Variants in CUEDC1 observed in about 807,000 individuals in gnomAD.
CUEDC1 encodes CUE domain containing 1, also known as CUE domain-containing protein 1.
A neutral mutation model predicts 43.7 loss-of-function variants in CUEDC1; 30 were observed. The ratio of observed to expected loss-of-function variants is 0.69; its 90% CI spans 0.51 to 0.93. The LOEUF (loss-of-function observed/expected upper bound fraction) is 0.93. Ranked by LOEUF, CUEDC1 falls within the 40% of genes least tolerant of loss-of-function variation. The pLI is 0.00. For synonymous variants in CUEDC1, 223 were observed against 223.6 expected (o/e 1.00, Z 0.02); for missense variants, 486 against 549.0 (o/e 0.89, Z 1.15).
chr17:57,874,909 C>G (rs1488863676), intron 3 of CUEDC1, among the ~76,000 whole-genome samples: 1 of 152,180 alleles, frequency 6.6e-6, no homozygotes, highest in African/African-American at 2.4e-5. Context: ...GGATAACCAG[C>G]TGCTAAGTGC....
chr17:57,873,475 A>G, intron 4 of CUEDC1, 116 bp downstream of exon 4: 1 of 1,241,080 alleles, frequency 8.1e-7, no homozygotes, highest in Non-Finnish European at 1.1e-6. Context: ...GGCAACAGAA[A>G]TAGCTCAGCC....
At chr17:57,866,424 G>T (rs748123955) in intron 10 of CUEDC1, 50 bp downstream of exon 10, 360 of 1,572,944 alleles carry the variant, frequency 2.3e-4, no homozygotes, top group Non-Finnish European at 2.9e-4. Context: ...CATAGTGTGG[G>T]GGGCCCTGGC....
intron 1 of CUEDC1, among the ~76,000 whole-genome samples, chr17:57,926,645 T>C (rs973550633): frequency 6.6e-6 from 1 of 152,082 alleles, no homozygotes; most frequent in African/African-American, 2.4e-5. Context: ...AATTTTAAAA[T>C]AAAAAATAAA....
At chr17:57,931,011 G>A (rs1324970353) in intron 1 of CUEDC1, among the ~76,000 whole-genome samples, 2 of 152,164 alleles carry the variant, frequency 1.3e-5, no homozygotes, top group African/African-American at 2.4e-5. Flanking sequence ...GGAGCTGGCC[G>A]GGTGTGGTGG....
At chr17:57,904,770 G>C (rs1478975935) in intron 1 of CUEDC1, among the ~76,000 whole-genome samples, 1 of 152,170 alleles carries the variant, frequency 6.6e-6, no homozygotes, top group East Asian at 1.9e-4. Context: ...TACCGTAGGG[G>C]AGTGGGGGGG....
rs762063231 is a variant in CUEDC1, at chr17:57,872,865, G to A, written c.592-10C>T. 7 of 1,607,680 alleles carry A rather than the reference G, an allele frequency of 4.4e-6. No homozygotes were observed. Among genetic ancestry groups the A allele is most frequent in the South Asian group, 1.1e-5 (1 of 90,480 alleles). On this transcript the variant is annotated splice_polypyrimidine_tract_variant and intron_variant, in intron 4 of 10. Transcript: ENST00000577830. Reference sequence around the variant, plus strand: ...GGCCCCCAGCGTTACCCTGAGGAGGGAAGCGAGCATGTTGAATGTGTACAC... The same window carrying A: ...GGCCCCCAGCGTTACCCTGAGGAGGAAAGCGAGCATGTTGAATGTGTACAC...
intron 1 of CUEDC1, among the ~76,000 whole-genome samples, chr17:57,934,969 A>G (rs1567723200): frequency 6.6e-6 from 1 of 152,144 alleles, no homozygotes; most frequent in African/African-American, 2.4e-5. Flanking sequence ...CAGCCTCCCA[A>G]AGTGCTGGGA....
chr17:57,950,210 G>A (rs183465185), intron 1 of CUEDC1, among the ~76,000 whole-genome samples: 1 of 151,552 alleles, frequency 6.6e-6, no homozygotes, highest in Admixed American at 6.6e-5. Context: ...GAGTGTAGTG[G>A]CGCGATCTCG....
intron 3 of CUEDC1, among the ~76,000 whole-genome samples, chr17:57,877,472 GA>G (rs1051914949): frequency 1.4e-5 from 2 of 145,194 alleles, no homozygotes; most frequent in African/African-American, 5.1e-5. Flanking sequence ...TCTATTTAAA[GA>G]AAAAAAAATC....
chr17:57,932,281 C>CAAGAAAA (rs2074812551), intron 1 of CUEDC1, among the ~76,000 whole-genome samples: 1 of 121,946 alleles, frequency 8.2e-6, no homozygotes, highest in Non-Finnish European at 1.6e-5. Flanking sequence ...CACTGTGTCT[C>CAAGAAAA]AAAAAAAAAA....
At chr17:57,897,309 T>G (rs574110061) in intron 1 of CUEDC1, among the ~76,000 whole-genome samples, 53 of 152,294 alleles carry the variant, frequency 3.5e-4, no homozygotes, top group Admixed American at 9.2e-4. Context: ...GAGCCCGATT[T>G]GGAATCCAAA....
At chr17:57,923,541 G>C (rs954083744) in intron 1 of CUEDC1, among the ~76,000 whole-genome samples, 2 of 152,194 alleles carry the variant, frequency 1.3e-5, no homozygotes, top group African/African-American at 2.4e-5. Context: ...AGATAAGCAG[G>C]GTATAGGACA....
chr17:57,876,651 C>G (rs1229864522), intron 3 of CUEDC1, among the ~76,000 whole-genome samples: 2 of 152,208 alleles, frequency 1.3e-5, no homozygotes, highest in Non-Finnish European at 2.9e-5. Context: ...AAATGAATGT[C>G]CTGGATGGAG....
intron 1 of CUEDC1, among the ~76,000 whole-genome samples, chr17:57,902,281 A>G (rs1461721481): frequency 6.6e-6 from 1 of 152,156 alleles, no homozygotes; most frequent in Admixed American, 6.5e-5. Flanking sequence ...GTGACCTGAG[A>G]TCACACCACT....
intron 2 of CUEDC1, among the ~76,000 whole-genome samples, 177 bp from the exon 3 acceptor site, chr17:57,879,915 A>C (rs2074181146): frequency 6.6e-6 from 1 of 152,168 alleles, no homozygotes; most frequent in Admixed American, 6.5e-5. Context: ...AAAAAGCTAA[A>C]CACATGGCTA....
chr17:57,867,227 A>G, intron 9 of CUEDC1, 130 bp downstream of exon 9: 1 of 844,198 alleles, frequency 1.2e-6, no homozygotes. Context: ...TCTTTGGGTC[A>G]CCTGCCCACC....
rs2143263223 is a variant in CUEDC1 at position 57,954,146 on chromosome 17, CCT to C, written c.-316+1077_-316+1078del. ...AGGGGTGAAAGGCCCAGTACATCTC[CCT>C]GAGTCCTTTCTCCTGGGCCAGGTGG... On this transcript the variant is annotated intron_variant, in intron 1 of 10. Coordinates refer to ENST00000577830, the MANE Select transcript of CUEDC1 (RefSeq NM_001271875.2). The surrounding 1 kb of genome is among the most constrained non-coding windows in gnomAD (Gnocchi z 4.3). Among the ~76,000 whole-genome samples, 1 of 152,326 alleles carries C rather than the reference CCT, an allele frequency of 6.6e-6. No individual in the cohort carries two copies. Among genetic ancestry groups the C allele is most frequent in the Non-Finnish European group, 1.5e-5 (1 of 68,030 alleles).
chr17:57,885,503 C>T lies in CUEDC1; in HGVS notation c.62G>A (p.Arg21His), dbSNP rs2074277403. ...GGCGGCCGTGCCTCCCCCGCCCCCGCGTGCCCCGGCGGTGCCACCCCCGCC... is the reference window on the plus strand; with the variant it reads ...GGCGGCCGTGCCTCCCCCGCCCCCGTGTGCCCCGGCGGTGCCACCCCCGCC... Reference protein sequence around the residue: ...GSGGGGTAGARGGGGGTAAPQ... With the variant: ...GSGGGGTAGAHGGGGGTAAPQ... The change falls in exon 2 of 11, where the codon CGC (arginine) becomes CAC (histidine). Residue 21 changes from arginine to histidine, a missense_variant. Coordinates refer to ENST00000577830, the MANE Select transcript of CUEDC1 (RefSeq NM_001271875.2). The T allele has an allele frequency of 4.1e-6, 6 of 1,476,408 alleles. No homozygotes were observed. The highest frequency in any genetic ancestry group is 2.7e-5 in the South Asian group (2 of 73,282). The allele number at this position is 1,476,408 out of a possible 1,614,324, so 91.5% of individuals were successfully genotyped here.
At chr17:57,934,445 T>C (rs781435567) in intron 1 of CUEDC1, among the ~76,000 whole-genome samples, 19 of 151,048 alleles carry the variant, frequency 1.3e-4, no homozygotes, top group Non-Finnish European at 2.4e-4. Flanking sequence ...TAGTCTCAGC[T>C]ACTTGGGAGG....
Sources: gnomAD v4.1 joint callset for allele counts (sites outside exome capture counted in the v4.1 genomes callset) on GRCh38, gnomAD v4.1.1 for gene constraint, Gnocchi (gnomAD v3.1) non-coding constraint, MANE v1.5 for transcripts, NCBI Gene and HGNC (gene_info 2026-07-23, HGNC 2026-07-21) for gene names.